Variants in RERE observed in about 807,000 individuals in gnomAD.
RERE encodes the protein arginine-glutamic acid dipeptide repeats protein.
A neutral mutation model predicts 146.1 loss-of-function variants in RERE; 40 were observed. That is an observed-to-expected ratio of 0.27 (90% CI 0.21 to 0.36). The LOEUF is 0.36. RERE is among the 10% of genes least tolerant of loss of function. The pLI is 1.00. For synonymous variants in RERE, 1,003 were observed against 866.0 expected, an observed-to-expected ratio of 1.16 and a Z score of -2.78; for missense variants, 1,933 against 2,138.7, an observed-to-expected ratio of 0.90 and a Z score of 1.90.
intron 4 of RERE, among the ~76,000 whole-genome samples, chr1:8,583,459 G>A (rs1646391787): frequency 6.6e-6 from 1 of 152,212 alleles, no homozygotes; most frequent in Admixed American, 6.5e-5. Flanking sequence ...ACCAGGCAAT[G>A]AGGAAGGCCA....
At chr1:8,810,029 A>G (rs1006929295) in intron 1 of RERE, among the ~76,000 whole-genome samples, 10 of 151,540 alleles carry the variant, frequency 6.6e-5, no homozygotes, top group Non-Finnish European at 1.5e-5. Context: ...TGTTTGAGAC[A>G]GAGTCTTGCT....
At position 8,499,815 on chromosome 1, in the gene RERE, T is replaced by C. The variant is rs112734746; in HGVS notation, c.880-2286A>G. 7.5e-3 allele frequency among the ~76,000 whole-genome samples: 1,146 copies of C among 152,304 alleles called. 14 individuals carry two copies. Among genetic ancestry groups the C allele is most frequent in the African/African-American group, 0.026 (1,085 of 41,562 alleles). ...TCTGCTTAACACATAGTGAAAATAG[T>C]GGGATAAAATTAAAACACAATGGGC... On this transcript the variant is annotated intron_variant, in intron 8 of 22. Transcript: ENST00000400908.
chr1:8,499,278 T>G (rs1486750130), intron 8 of RERE, among the ~76,000 whole-genome samples: 2 of 152,158 alleles, frequency 1.3e-5, no homozygotes, highest in South Asian at 2.1e-4. Context: ...CCAACAGAAA[T>G]AAAATAAGAA....
chr1:8,733,330 T>A (rs886586763), intron 1 of RERE, among the ~76,000 whole-genome samples: 2 of 152,240 alleles, frequency 1.3e-5, no homozygotes, highest in Non-Finnish European at 1.5e-5. Flanking sequence ...CGGCTCCTTT[T>A]AGTTCTAAAT....
intron 1 of RERE, among the ~76,000 whole-genome samples, chr1:8,816,229 C>A (rs1377658213): frequency 6.6e-6 from 1 of 152,074 alleles, no homozygotes; most frequent in Non-Finnish European, 1.5e-5. Context: ...CACCCTCTTA[C>A]TAGTTATCTT....
intron 10 of RERE, among the ~76,000 whole-genome samples, chr1:8,484,912 A>C (rs1342422549): frequency 6.6e-6 from 1 of 152,194 alleles, no homozygotes; most frequent in Non-Finnish European, 1.5e-5. Flanking sequence ...ATGTATGAAA[A>C]GATAAGAAAT....
chr1:8,738,163 G>A (rs552668611), intron 1 of RERE, among the ~76,000 whole-genome samples: 2 of 152,248 alleles, frequency 1.3e-5, no homozygotes, highest in African/African-American at 4.8e-5. Context: ...TCTTCACGGG[G>A]CAAACCTACA....
chr1:8,363,154 A>G (rs1641658271), intron 15 of RERE, among the ~76,000 whole-genome samples: 1 of 152,248 alleles, frequency 6.6e-6, no homozygotes, highest in African/African-American at 2.4e-5. Flanking sequence ...AGCGGCAGAA[A>G]GTCGCCTGGG....
intron 11 of RERE, chr1:8,434,484 A>C (rs1208781336): frequency 6.6e-6 from 1 of 152,144 alleles, no homozygotes; most frequent in African/African-American, 2.4e-5. Context: ...TTTGTGACAA[A>C]CTATATTTTC....
intron 8 of RERE, among the ~76,000 whole-genome samples, chr1:8,507,265 G>C (rs1049590613): frequency 6.6e-6 from 1 of 152,152 alleles, no homozygotes; most frequent in African/African-American, 2.4e-5. Flanking sequence ...AACAGAATGA[G>C]ACCTGTCTCT....
At position 8,385,586 on chromosome 1, in the gene RERE, C is replaced by T. The variant is rs1375905536; in HGVS notation, c.1285-19612G>A. Among the ~76,000 whole-genome samples the T allele has an allele frequency of 2.0e-5, 3 of 152,234 alleles. No individual in the cohort carries two copies. In the East Asian group the frequency reaches 5.8e-4, roughly 29 times the overall value. On this transcript the variant is annotated intron_variant, in intron 12 of 22. Transcript: ENST00000400908. ...GTATCAGATAATGATGTACTTCCAGCTCCTGGTGACCAAACAAAACAATGT... is the reference window on the plus strand; with the variant it reads ...GTATCAGATAATGATGTACTTCCAGTTCCTGGTGACCAAACAAAACAATGT...
At chr1:8,750,641 G>T (rs931364216) in intron 1 of RERE, 8 of 925,210 alleles carry the variant, frequency 8.6e-6, no homozygotes, top group African/African-American at 3.2e-5. Context: ...AATTCGAATG[G>T]CAAGGATGGC....
intron 12 of RERE, among the ~76,000 whole-genome samples, chr1:8,406,808 A>AC (rs1362854942): frequency 1.8e-4 from 1 of 5,714 alleles, no homozygotes; most frequent in African/African-American, 5.7e-4. Context: ...TGAGGATCTT[A>AC]AAAAACCTAA....
intron 6 of RERE, among the ~76,000 whole-genome samples, chr1:8,552,005 C>A (rs1181566708): frequency 1.3e-5 from 2 of 152,210 alleles, no homozygotes; most frequent in Non-Finnish European, 1.5e-5. Context: ...GCTGTAGAAA[C>A]TTACCTTGAA....
intron 12 of RERE, among the ~76,000 whole-genome samples, chr1:8,381,897 G>T (rs1642474381): frequency 6.6e-6 from 1 of 152,224 alleles, no homozygotes; most frequent in Non-Finnish European, 1.5e-5. Flanking sequence ...GTCTTAACCT[G>T]AATTAACCAA....
intron 4 of RERE, among the ~76,000 whole-genome samples, chr1:8,612,943 A>C (rs2124188313): frequency 6.6e-6 from 1 of 152,338 alleles, no homozygotes; most frequent in East Asian, 1.9e-4. Flanking sequence ...AGGTTTCCAT[A>C]ATGTGAAACC....
intron 5 of RERE, 119 bp from the exon 6 acceptor site, chr1:8,556,690 C>CT (rs1316942852): frequency 1.6e-6 from 1 of 637,896 alleles, no homozygotes; most frequent in Non-Finnish European, 2.8e-6. Context: ...TGGTTAGCAT[C>CT]GTTAAGTATG....
intron 11 of RERE, chr1:8,429,978 G>A (rs912453874): frequency 1.3e-5 from 2 of 152,228 alleles, no homozygotes; most frequent in African/African-American, 4.8e-5. Context: ...AAATGGTAAG[G>A]AGGGGTAGGG....
chr1:8,776,080 G>A (rs1641057863), intron 1 of RERE, among the ~76,000 whole-genome samples: 1 of 152,158 alleles, frequency 6.6e-6, no homozygotes, highest in Non-Finnish European at 1.5e-5. Context: ...TTATATTCAA[G>A]TAAACACCAA....
Sources: gnomAD v4.1 joint callset for allele counts (sites outside exome capture counted in the v4.1 genomes callset) on GRCh38, gnomAD v4.1.1 for gene constraint, MANE v1.5 for transcripts, NCBI Gene and HGNC (gene_info 2026-07-23, HGNC 2026-07-21) for gene names.